Variants in BCKDHA observed in about 807,000 individuals in gnomAD.
BCKDHA encodes the protein 2-oxoisovalerate dehydrogenase subunit alpha, mitochondrial.
Under a neutral mutation model 52.2 loss-of-function variants are expected in BCKDHA, and 43 were observed. The observed-to-expected ratio is 0.82, with a 90% CI of 0.64 to 1.06. The LOEUF is 1.06. Among genes scored for constraint, BCKDHA ranks in the 50% least tolerant of loss-of-function variants. BCKDHA has a pLI of 0.00. For synonymous variants in BCKDHA, 234 were observed against 247.9 expected (o/e 0.94, Z 0.53); for missense variants, 527 against 621.3 (o/e 0.85, Z 1.61).
Position 41,410,907 on chromosome 19 carries a change from G to A in BCKDHA, c.289-16G>A. The A allele has an allele frequency of 1.2e-6, 2 of 1,614,026 alleles. No individual in the cohort carries two copies. Among genetic ancestry groups the A allele is most frequent in the Non-Finnish European group, 1.7e-6 (2 of 1,179,978 alleles). ...GGTCCCAACTGCCCCACGTCTATCT[G>A]TGCCTCCACCCGCAGCTGCCGAAGG... On this transcript the variant is annotated splice_polypyrimidine_tract_variant and intron_variant, in intron 2 of 8. Coordinates refer to ENST00000269980, the MANE Select transcript of BCKDHA (RefSeq NM_000709.4).
intron 1 of BCKDHA, among the ~76,000 whole-genome samples, chr19:41,400,689 T>C (rs1232792027): frequency 6.6e-6 from 1 of 152,040 alleles, no homozygotes; most frequent in African/African-American, 2.4e-5. Flanking sequence ...GGCCATATTA[T>C]TAAATTATCA....
Position 41,414,144 on chromosome 19 carries a change from G to A in BCKDHA, c.471G>A (p.Gln157=). 6.2e-7 allele frequency: 1 copy of A among 1,613,606 alleles called. No homozygotes were observed. Among genetic ancestry groups the A allele is most frequent in the Non-Finnish European group, 8.5e-7 (1 of 1,180,006 alleles). ...ACAACACGGACCTGGTGTTTGGCCA[G>A]TACCGGGAGGCAGGTACGTCTGTCC... ...ALDNTDLVFG[Q]YREAGVLMYR... is the part of the protein sequence containing the mutation. Residue 157 remains glutamine, a synonymous_variant, in exon 4 of 9, where the codon CAG becomes CAA. Coordinates refer to ENST00000269980, the MANE Select transcript of BCKDHA (RefSeq NM_000709.4).
chr19:41,418,944 A>C, intron 4 of BCKDHA, 191 bp from the exon 5 acceptor site: 1 of 636,036 alleles, frequency 1.6e-6, no homozygotes, highest in Non-Finnish European at 2.7e-6. Flanking sequence ...GAAAAAGGCT[A>C]GATTTCTGCT....
In BCKDHA at chr19:41,410,695, G is replaced by A; in HGVS notation, c.167G>A (p.Gly56Glu). ...CTGGATGACAAGCCCCAGTTCCCAG[G>A]GGCCTCGGCGGAGTTTATAGATAAG... ...SSLDDKPQFP[G>E]ASAEFIDKLE... is the part of the protein sequence containing the mutation. Residue 56 changes from glycine to glutamate, a missense_variant, in exon 2 of 9, where the codon GGG (glycine) becomes GAG (glutamate). Coordinates refer to ENST00000269980, the MANE Select transcript of BCKDHA (RefSeq NM_000709.4). The A allele has an allele frequency of 6.2e-7, 1 of 1,614,162 alleles. No homozygotes were observed. The highest frequency in any genetic ancestry group is 8.5e-7 in the Non-Finnish European group (1 of 1,180,032).
In BCKDHA at chr19:41,414,175, T is replaced by G; in HGVS notation, c.484+18T>G. 6.2e-7 allele frequency: 1 copy of G among 1,609,536 alleles called. No individual in the cohort carries two copies. The highest frequency in any genetic ancestry group is 1.1e-5 in the South Asian group (1 of 91,018). ...GGAGGCAGGTACGTCTGTCCGTGGTTTGGCCCTGTGGTCCCCATTGAAGTG... is the reference window on the plus strand; with the variant it reads ...GGAGGCAGGTACGTCTGTCCGTGGTGTGGCCCTGTGGTCCCCATTGAAGTG... On this transcript the variant is annotated intron_variant, in intron 4 of 8. Transcript: ENST00000269980.
chr19:41,413,713 T>A (rs1172278083), intron 3 of BCKDHA, among the ~76,000 whole-genome samples: 1 of 152,136 alleles, frequency 6.6e-6, no homozygotes, highest in African/African-American at 2.4e-5. Context: ...TACCACTGTA[T>A]GTCCCAGCCC....
intron 1 of BCKDHA, among the ~76,000 whole-genome samples, chr19:41,408,434 A>C (rs1341691682): frequency 6.6e-6 from 1 of 152,038 alleles, no homozygotes; most frequent in Admixed American, 6.6e-5. Flanking sequence ...GGTGCTTCAT[A>C]AGGGGGAGCT....
chr19:41,398,672 G>A (rs1264800552), intron 1 of BCKDHA, among the ~76,000 whole-genome samples: 1 of 152,120 alleles, frequency 6.6e-6, no homozygotes, highest in East Asian at 1.9e-4. Flanking sequence ...TGCTGCTAAG[G>A]GCAAGATTAC....
intron 4 of BCKDHA, 24 bp from the exon 5 acceptor site, chr19:41,419,111 A>G: frequency 2.5e-6 from 4 of 1,613,936 alleles, no homozygotes; most frequent in Non-Finnish European, 3.4e-6. Context: ...CCACTCGGCT[A>G]ACCATTGCCT....
rs372425217 is a variant in BCKDHA, at chr19:41,424,499, C to T, written c.1229C>T (p.Ser410Leu). Residue 410 changes from serine (S) to leucine (L), a missense_variant, in exon 9 of 9, where the codon TCA (serine) becomes TTA (leucine). Coordinates refer to ENST00000269980, the MANE Select transcript of BCKDHA (RefSeq NM_000709.4). ...AAACCCAACCCCAACCTACTCTTCT[C>T]AGACGTGTATCAGGAGATGCCCGCC... is the stretch of plus-strand genomic sequence containing the variant. ...KPKPNPNLLFSDVYQEMPAQL... is the reference protein window; with the variant it reads ...KPKPNPNLLFLDVYQEMPAQL... 1 of 1,614,186 alleles carries T rather than the reference C, an allele frequency of 6.2e-7. No individual in the cohort carries two copies. Among genetic ancestry groups the T allele is most frequent in the African/African-American group, 1.3e-5 (1 of 75,046 alleles).
rs577534319 is a variant in BCKDHA at position 41,410,906 on chromosome 19, T to G, written c.289-17T>G. 6.2e-6 allele frequency: 10 copies of G among 1,614,078 alleles called. No individual in the cohort carries two copies. Among genetic ancestry groups the G allele is most frequent in the Admixed American group, 3.3e-5 (2 of 60,014 alleles). On this transcript the variant is annotated splice_polypyrimidine_tract_variant and intron_variant, in intron 2 of 8. Coordinates refer to ENST00000269980, the MANE Select transcript of BCKDHA (RefSeq NM_000709.4). ...TGGTCCCAACTGCCCCACGTCTATC[T>G]GTGCCTCCACCCGCAGCTGCCGAAG...
intron 8 of BCKDHA, among the ~76,000 whole-genome samples, chr19:41,423,569 C>G (rs541037924): frequency 6.6e-6 from 1 of 152,194 alleles, no homozygotes; most frequent in Non-Finnish European, 1.5e-5. Context: ...CAGTGGCTCA[C>G]GCCTGTAATC....
At chr19:41,417,481 C>G (rs1241204441) in intron 4 of BCKDHA, among the ~76,000 whole-genome samples, 2 of 152,188 alleles carry the variant, frequency 1.3e-5, no homozygotes, top group African/African-American at 4.8e-5. Context: ...CAGAGCAACT[C>G]CTGTTTCTAT....
At chr19:41,405,517 G>T (rs960474805) in intron 1 of BCKDHA, among the ~76,000 whole-genome samples, 1 of 152,048 alleles carries the variant, frequency 6.6e-6, no homozygotes, top group Non-Finnish European at 1.5e-5. Flanking sequence ...GGGCTCAAGC[G>T]ATCCTCCCTC....
intron 8 of BCKDHA, among the ~76,000 whole-genome samples, chr19:41,423,440 A>G (rs1267245815): frequency 1.3e-5 from 2 of 152,228 alleles, no homozygotes; most frequent in Non-Finnish European, 2.9e-5. Flanking sequence ...CACACCTGTA[A>G]TCCCAGCACT....
At chr19:41,408,727 C>G (rs776008832) in intron 1 of BCKDHA, among the ~76,000 whole-genome samples, 3 of 151,952 alleles carry the variant, frequency 2.0e-5, no homozygotes, top group Non-Finnish European at 2.9e-5. Flanking sequence ...AAGCGATTCT[C>G]CCACCTCAGC....
At chr19:41,418,086 T>TG (rs1223033933) in intron 4 of BCKDHA, among the ~76,000 whole-genome samples, 1 of 96,474 alleles carries the variant, frequency 1.0e-5, no homozygotes, top group Non-Finnish European at 1.9e-5. Context: ...AGCCAGACTC[T>TG]GTCTCAAAAA....
At position 41,424,481 on chromosome 19, in the gene BCKDHA, AC is replaced by A; in HGVS notation, c.1215del (p.Asn406ThrfsTer79). The A allele has an allele frequency of 1.2e-6, 2 of 1,613,888 alleles. No individual in the cohort carries two copies. Among genetic ancestry groups the A allele is most frequent in the Non-Finnish European group, 1.7e-6 (2 of 1,179,972 alleles). On this transcript the variant is annotated frameshift_variant, in exon 9 of 9. Coordinates refer to ENST00000269980, the MANE Select transcript of BCKDHA (RefSeq NM_000709.4). LOFTEE classifies it high-confidence loss of function. ...FEQAERKPKP[N>X]PNLLFSDVYQ... ...CAGGCCGAGCGGAAGCCCAAACCCAACCCCAACCTACTCTTCTCAGACGTGT... is the reference window on the plus strand; with the variant it reads ...CAGGCCGAGCGGAAGCCCAAACCCAACCCAACCTACTCTTCTCAGACGTGT...
intron 4 of BCKDHA, chr19:41,415,369 G>C (rs1187912364): frequency 1.8e-4 from 27 of 152,394 alleles, no homozygotes; most frequent in Non-Finnish European, 1.5e-5. Flanking sequence ...GGAATCATGG[G>C]AGCCGCTGAG....
Sources: allele counts gnomAD v4.1 joint callset (sites outside exome capture counted in the v4.1 genomes callset), GRCh38; gene constraint gnomAD v4.1.1; transcripts MANE v1.5; gene names NCBI Gene and HGNC (gene_info 2026-07-23, HGNC 2026-07-21).